The following RBL2 variants were observed in gnomAD, a reference collection of about 807,000 sequenced individuals.
RBL2 encodes the protein retinoblastoma-like protein 2.
A neutral mutation model predicts 126.0 loss-of-function variants in RBL2; 56 were observed. The observed-to-expected ratio is 0.44, with a 90% CI of 0.36 to 0.56. The LOEUF is 0.56. Among genes scored for constraint, RBL2 ranks in the 20% least tolerant of loss-of-function variants. The pLI is 0.00. For synonymous variants in RBL2, 454 were observed against 478.5 expected (o/e 0.95, Z 0.67); for missense variants, 1,229 against 1,398.2 (o/e 0.88, Z 1.93).
intron 18 of RBL2, 103 bp downstream of exon 18, chr16:53,479,328 C>T (rs1285559288): frequency 1.5e-5 from 14 of 947,370 alleles, no homozygotes; most frequent in Admixed American, 2.2e-5. Context: ...CCAAGATAAA[C>T]ACCTGGGACT....
At position 53,454,773 on chromosome 16, in the gene RBL2, C is replaced by T. The variant is rs577748115; in HGVS notation, c.1110C>T (p.Asn370=). 8.7e-6 allele frequency: 14 copies of T among 1,613,978 alleles called. No homozygotes were observed. The highest frequency in any genetic ancestry group is 1.6e-4 in the Middle Eastern group (1 of 6,062). Residue 370 remains asparagine, a synonymous_variant, in exon 8 of 22, where the codon AAC becomes AAT. Coordinates refer to ENST00000262133, the MANE Select transcript of RBL2 (RefSeq NM_005611.4). Reference sequence around the variant, plus strand: ...TTGGGACTCTCTCAAGGTGTCTGAACGCTGGTTCAGGAACAGAGACTGCTG... The same window carrying T: ...TTGGGACTCTCTCAAGGTGTCTGAATGCTGGTTCAGGAACAGAGACTGCTG... The part of the protein sequence containing the change: ...EEIGTLSRCL[N]AGSGTETAER...
At chr16:53,464,867 C>T (rs1368008925) in intron 12 of RBL2, 3 of 152,278 alleles carry the variant, frequency 2.0e-5, no homozygotes, top group African/African-American at 7.3e-5. Flanking sequence ...CATCTCAGCT[C>T]ACAGCAAGCT....
At chr16:53,455,798 G>A (rs1216222589) in intron 8 of RBL2, among the ~76,000 whole-genome samples, 1 of 152,158 alleles carries the variant, frequency 6.6e-6, no homozygotes, top group Admixed American at 6.5e-5. Flanking sequence ...AAGCCGTGAG[G>A]TTGGAACAGG....
In RBL2 at chr16:53,482,831, G is replaced by A. The variant is rs566932156; in HGVS notation, c.3249+996G>A. ...CTGTCTCAAAAAAAAAAAAAAAAAC[G>A]GTTGCTTAGAAATACACATATATAT... is the stretch of plus-strand genomic sequence containing the variant. On this transcript the variant is annotated intron_variant, in intron 21 of 21. Transcript: ENST00000262133. Among the ~76,000 whole-genome samples the A allele has an allele frequency of 2.0e-5, 3 of 148,566 alleles. No homozygotes were observed. In the East Asian group the frequency reaches 5.9e-4, roughly 29 times the overall value.
intron 1 of RBL2, among the ~76,000 whole-genome samples, chr16:53,435,091 G>T (rs1453225101): frequency 1.3e-5 from 2 of 152,062 alleles, no homozygotes; most frequent in Non-Finnish European, 2.9e-5. Context: ...TGGCCCATCT[G>T]ACCCCCCGCC....
At chr16:53,436,834 C>G (rs1253151100) in intron 1 of RBL2, among the ~76,000 whole-genome samples, 1 of 152,110 alleles carries the variant, frequency 6.6e-6, no homozygotes, top group Non-Finnish European at 1.5e-5. Context: ...GAAGATGTGA[C>G]CATGAGATGT....
At chr16:53,447,644 T>A (rs1460579876) in intron 4 of RBL2, among the ~76,000 whole-genome samples, 1 of 152,106 alleles carries the variant, frequency 6.6e-6, no homozygotes, top group Non-Finnish European at 1.5e-5. Flanking sequence ...TTTGTATTTA[T>A]TTATTTATTT....
intron 13 of RBL2, among the ~76,000 whole-genome samples, chr16:53,466,400 C>T (rs2058272590): frequency 6.6e-6 from 1 of 151,986 alleles, no homozygotes; most frequent in African/African-American, 2.4e-5. Flanking sequence ...TTATTGCACA[C>T]TTTATTTCTA....
At chr16:53,479,371 T>G (rs767281866) in intron 18 of RBL2, 146 bp downstream of exon 18, 28 of 636,720 alleles carry the variant, frequency 4.4e-5, no homozygotes, top group Non-Finnish European at 6.4e-5. Flanking sequence ...TTAATCTTTA[T>G]TCTTGATGTC....
chr16:53,445,401 C>T (rs1598091716), intron 3 of RBL2, among the ~76,000 whole-genome samples: 1 of 151,734 alleles, frequency 6.6e-6, no homozygotes, highest in East Asian at 1.9e-4. Flanking sequence ...TTTCTGTTAG[C>T]TCTTTCTGTT....
At chr16:53,489,049 T>C (rs1045800882) in intron 21 of RBL2, 2 of 127,702 alleles carry the variant, frequency 1.6e-5, no homozygotes, top group Non-Finnish European at 3.2e-5. Flanking sequence ...ACCCCATTTC[T>C]ATTGTTAATT....
At chr16:53,467,230 C>T in intron 14 of RBL2, 61 bp downstream of exon 14, 1 of 1,363,402 alleles carries the variant, frequency 7.3e-7, no homozygotes, top group Non-Finnish European at 1.0e-6. Context: ...TAAATTTCAT[C>T]TAACCCTACA....
Position 53,470,088 on chromosome 16 carries a change from T to A in RBL2, c.2148T>A (p.Thr716=), listed in dbSNP as rs753661417. 1.9e-6 allele frequency: 3 copies of A among 1,614,222 alleles called. No homozygotes were observed. Among genetic ancestry groups the A allele is most frequent in the Non-Finnish European group, 2.5e-6 (3 of 1,180,016 alleles). ...CTGTGCAGAATGTATCTGGGGAGAC[T>A]GTTTCTGTCACACCAGTTCCTGGAC... ...AVPVQNVSGE[T]VSVTPVPGQT... The change falls in exon 15 of 22, where the codon ACT becomes ACA. Residue 716 remains threonine, a synonymous_variant. Transcript: ENST00000262133.
intron 12 of RBL2, among the ~76,000 whole-genome samples, 192 bp from the exon 13 acceptor site, chr16:53,465,245 AT>A (rs1255707617): frequency 2.0e-5 from 3 of 152,248 alleles, no homozygotes; most frequent in African/African-American, 7.2e-5. Flanking sequence ...TCATTAAAAA[AT>A]TTTGAAATAC....
chr16:53,480,676 G>A lies in RBL2; in HGVS notation c.2991G>A (p.Met997Ile). The A allele has an allele frequency of 6.2e-7, 1 of 1,613,912 alleles. No individual in the cohort carries two copies. Among genetic ancestry groups the A allele is most frequent in the South Asian group, 1.1e-5 (1 of 91,074 alleles). ...PTRLTGANSDMEEEERGDLIQ... is the reference protein window; with the variant it reads ...PTRLTGANSDIEEEERGDLIQ... ...GCCTCACAGGTGCCAACAGTGACAT[G>A]GAAGAAGAGGAGAGGGGAGACCTCA... The change falls in exon 20 of 22, where the codon ATG becomes ATA. Residue 997 changes from methionine (M) to isoleucine (I), a missense_variant. Met to Ile is a conservative substitution (Grantham distance 10). Transcript: ENST00000262133.
intron 8 of RBL2, among the ~76,000 whole-genome samples, chr16:53,457,235 G>A (rs550669861): frequency 7.2e-6 from 1 of 138,770 alleles, no homozygotes; most frequent in African/African-American, 2.7e-5. Context: ...ATGTCCTGGG[G>A]TCATCAGGGT....
chr16:53,441,661 A>G (rs1031649528), intron 2 of RBL2, among the ~76,000 whole-genome samples: 39 of 152,182 alleles, frequency 2.6e-4, no homozygotes, highest in Non-Finnish European at 1.3e-4. Flanking sequence ...ACACGTAATA[A>G]GATATTGCTT....
At chr16:53,434,846 T>A (rs771595407) in intron 1 of RBL2, 50 bp downstream of exon 1, 16 of 1,437,256 alleles carry the variant, frequency 1.1e-5, no homozygotes, top group Admixed American at 2.4e-5. Context: ...CGTGAACCGG[T>A]GCCTTCCGAG....
chr16:53,449,631 C>CCACTGTG (rs2058094911), intron 4 of RBL2: 1 of 150,744 alleles, frequency 6.6e-6, no homozygotes, highest in South Asian at 2.1e-4. Context: ...TCACAGTCCA[C>CCACTGTG]CACTGTGATC....
Sources: allele counts gnomAD v4.1 joint callset (sites outside exome capture counted in the v4.1 genomes callset), GRCh38; gene constraint gnomAD v4.1.1; transcripts MANE v1.5; gene names NCBI Gene and HGNC (gene_info 2026-07-23, HGNC 2026-07-21).